The following CDK5RAP2 variants were observed in gnomAD, a reference collection of about 807,000 sequenced individuals.
The protein encoded by CDK5RAP2 is CDK5 regulatory subunit-associated protein 2.
In CDK5RAP2, 147 loss-of-function variants were observed where a neutral mutation model predicts 232.9. The observed-to-expected ratio is 0.63, with a 90% confidence interval of 0.55 to 0.72. The LOEUF is 0.72. CDK5RAP2 is among the 30% of genes least tolerant of loss of function. The pLI, the probability that CDK5RAP2 is intolerant of heterozygous loss-of-function variation, is 0.00. For synonymous variants in CDK5RAP2, 833 were observed against 833.7 expected (o/e 1.00, Z 0.01); for missense variants, 2,195 against 2,231.5 (o/e 0.98, Z 0.33).
chr9:120,508,033 G>A (rs1475891791), intron 12 of CDK5RAP2, among the ~76,000 whole-genome samples: 1 of 141,014 alleles, frequency 7.1e-6, no homozygotes, highest in Non-Finnish European at 1.5e-5. Flanking sequence ...GAAAAGCCAA[G>A]CCCTCACACT....
At chr9:120,499,441 G>A (rs1409931328) in intron 12 of CDK5RAP2, among the ~76,000 whole-genome samples, 1 of 151,960 alleles carries the variant, frequency 6.6e-6, no homozygotes, top group African/African-American at 2.4e-5. Flanking sequence ...CAGAACACAT[G>A]ATTATAGATG....
At position 120,411,490 on chromosome 9, in the gene CDK5RAP2, TA is replaced by T. The variant is rs779044580; in HGVS notation, c.4298-17del. 3.7e-6 allele frequency: 5 copies of T among 1,357,838 alleles called. No homozygotes were observed. The Admixed American group carries it at 6.7e-5, about 18-fold the overall frequency. The allele number at this position is 1,357,838 out of a possible 1,614,324, so 84.1% of individuals were successfully genotyped here. On this transcript the variant is annotated splice_polypyrimidine_tract_variant and intron_variant, in intron 28 of 37. Transcript: ENST00000349780. ...CTTGTAGAACCTATAAAAACACACA[TA>T]AAAACTGATTTATAAACAGTCTCCA... is the stretch of plus-strand genomic sequence containing the variant.
intron 20 of CDK5RAP2, among the ~76,000 whole-genome samples, chr9:120,456,933 C>G (rs1000312004): frequency 6.6e-6 from 1 of 152,188 alleles, no homozygotes; most frequent in Admixed American, 6.5e-5. Flanking sequence ...TAAGCTATCA[C>G]TATAAGCAGA....
intron 36 of CDK5RAP2, among the ~76,000 whole-genome samples, chr9:120,394,200 C>T (rs1204537838): frequency 6.6e-6 from 1 of 152,174 alleles, no homozygotes; most frequent in Non-Finnish European, 1.5e-5. Flanking sequence ...AGACGCCCAC[C>T]TTGCCGGGAC....
chr9:120,476,690 A>AC (rs1443791122), intron 15 of CDK5RAP2, among the ~76,000 whole-genome samples: 1 of 151,864 alleles, frequency 6.6e-6, no homozygotes, highest in Non-Finnish European at 1.5e-5. Context: ...AAAAAAAAAA[A>AC]AAAAAGGACT....
intron 14 of CDK5RAP2, among the ~76,000 whole-genome samples, chr9:120,478,856 C>T (rs1365085082): frequency 6.6e-6 from 1 of 152,004 alleles, no homozygotes; most frequent in African/African-American, 2.4e-5. Flanking sequence ...GTTTTTTCAT[C>T]ACACAAAAAA....
chr9:120,498,348 C>T (rs2039415695), intron 12 of CDK5RAP2, among the ~76,000 whole-genome samples: 1 of 152,180 alleles, frequency 6.6e-6, no homozygotes, highest in African/African-American at 2.4e-5. Flanking sequence ...ATAAGAGAAA[C>T]ACCAGACAAG....
At position 120,411,438 on chromosome 9, in the gene CDK5RAP2, T is replaced by A. The variant is rs1377655305; in HGVS notation, c.4334A>T (p.His1445Leu). ...ATGAATTTCTGATGTTAGAGAACTATGAAGCTCTGAACCAGAAGCAAAAAT... is the reference window on the plus strand; with the variant it reads ...ATGAATTTCTGATGTTAGAGAACTAAGAAGCTCTGAACCAGAAGCAAAAAT... ...TSIFASGSEL[H>L]SSLTSEIHFL... Residue 1445 changes from histidine to leucine, a missense_variant, in exon 29 of 38, where the codon CAT (histidine) becomes CTT (leucine). By Grantham distance (99) the His-to-Leu change is moderately conservative. Transcript: ENST00000349780. 6.2e-7 allele frequency: 1 copy of A among 1,613,024 alleles called. No individual in the cohort carries two copies. Among genetic ancestry groups the A allele is most frequent in the East Asian group, 2.2e-5 (1 of 44,882 alleles).
intron 25 of CDK5RAP2, among the ~76,000 whole-genome samples, chr9:120,429,009 CAT>C (rs2035105892): frequency 6.6e-6 from 1 of 152,056 alleles, no homozygotes; most frequent in Admixed American, 6.5e-5. Context: ...ACAAAAACCA[CAT>C]GATTATCTCA....
chr9:120,568,975 T>C (rs146769646), intron 2 of CDK5RAP2, among the ~76,000 whole-genome samples: 1 of 152,322 alleles, frequency 6.6e-6, no homozygotes, highest in African/African-American at 2.4e-5. Context: ...TTAAAGACTA[T>C]GGCAATACCC....
At chr9:120,445,096 T>C (rs942806544) in intron 22 of CDK5RAP2, among the ~76,000 whole-genome samples, 1 of 152,170 alleles carries the variant, frequency 6.6e-6, no homozygotes, top group Non-Finnish European at 1.5e-5. Context: ...AGCATCAATA[T>C]CCTCTCTGAA....
intron 25 of CDK5RAP2, among the ~76,000 whole-genome samples, chr9:120,430,720 T>C (rs1327312378): frequency 1.3e-5 from 2 of 150,838 alleles, no homozygotes; most frequent in African/African-American, 2.4e-5. Flanking sequence ...CTCAGGGATC[T>C]AGAACTAGAA....
intron 15 of CDK5RAP2, among the ~76,000 whole-genome samples, chr9:120,476,129 A>G (rs560198554): frequency 6.5e-4 from 99 of 151,950 alleles, no homozygotes; most frequent in African/African-American, 1.8e-3. Flanking sequence ...AGAGCTCACT[A>G]TGGTAAGAGC....
In CDK5RAP2 at chr9:120,437,409, A is replaced by C; in HGVS notation, c.3841T>G (p.Phe1281Val). The C allele has an allele frequency of 6.2e-7, 1 of 1,614,058 alleles. No individual in the cohort carries two copies. Among genetic ancestry groups the C allele is most frequent in the Non-Finnish European group, 8.5e-7 (1 of 1,179,950 alleles). The change falls in exon 25 of 38, where the codon TTT (phenylalanine) becomes GTT (valine). Residue 1281 changes from phenylalanine to valine, a missense_variant. Phe to Val is a conservative substitution (Grantham distance 50, BLOSUM62 -1). Transcript: ENST00000349780. ...TCACTGGCCTGCAGCAACTCCTCAA[A>C]TGCCTTAATCATGGTGTTCATGTGT... ...RQHMNTMIKA[F>V]EELLQASDVD... is the part of the protein sequence containing the mutation.
intron 15 of CDK5RAP2, among the ~76,000 whole-genome samples, chr9:120,473,510 C>A (rs530857039): frequency 6.6e-6 from 1 of 152,218 alleles, no homozygotes; most frequent in Non-Finnish European, 1.5e-5. Flanking sequence ...CTCCATCCAT[C>A]GGACTGCACA....
At chr9:120,422,840 CT>C in intron 25 of CDK5RAP2, 99 bp from the exon 26 acceptor site, 1 of 828,596 alleles carries the variant, frequency 1.2e-6, no homozygotes, top group Non-Finnish European at 2.1e-6. Flanking sequence ...CACTATTCCA[CT>C]TGTTTAAACA....
rs80321817 is a variant in CDK5RAP2 at position 120,549,391 on chromosome 9, C to T, written c.306+1401G>A. Among the ~76,000 whole-genome samples the T allele has an allele frequency of 7.0e-3, 1,072 of 152,194 alleles. 17 individuals carry two copies. The highest frequency in any genetic ancestry group is 0.025 in the African/African-American group (1,023 of 41,524). On this transcript the variant is annotated intron_variant, in intron 4 of 37. Transcript: ENST00000349780. ...GTGTTTTCAGTGTATATCTCTTAGG[C>T]TTTTTGAATTCTAAACCATGTGCAC...
intron 9 of CDK5RAP2, among the ~76,000 whole-genome samples, chr9:120,528,192 T>C (rs2040991808): frequency 6.6e-6 from 1 of 152,216 alleles, no homozygotes; most frequent in South Asian, 2.1e-4. Context: ...TTCCAATGCC[T>C]TATGGAATTT....
At chr9:120,414,549 A>G (rs2034089401) in intron 28 of CDK5RAP2, among the ~76,000 whole-genome samples, 2 of 152,112 alleles carry the variant, frequency 1.3e-5, no homozygotes, top group African/African-American at 4.8e-5. Context: ...GAAAAGAAAA[A>G]AGTGGAGAAG....
Sources: gnomAD v4.1 joint callset for allele counts (sites outside exome capture counted in the v4.1 genomes callset) on GRCh38, gnomAD v4.1.1 for gene constraint, MANE v1.5 for transcripts, NCBI Gene and HGNC (gene_info 2026-07-23, HGNC 2026-07-21) for gene names.